Variants in ADK observed in about 807,000 individuals in gnomAD.
The protein encoded by ADK is N6,N6-dimethyladenosine kinase.
Under a neutral mutation model 44.7 loss-of-function variants are expected in ADK, and 24 were observed. The observed-to-expected ratio is 0.54, with a 90% CI of 0.39 to 0.76. ADK has a LOEUF of 0.76. ADK is among the 30% of genes least tolerant of loss of function. The pLI is 0.00. For missense variants in ADK, 321 were observed against 425.1 expected, an observed-to-expected ratio of 0.76 and a Z score of 2.15; for synonymous variants, 128 against 142.6, an observed-to-expected ratio of 0.90 and a Z score of 0.73.
intron 9 of ADK, among the ~76,000 whole-genome samples, chr10:74,652,624 G>A (rs1854314724): frequency 6.6e-6 from 1 of 151,780 alleles, no homozygotes. Flanking sequence ...GCCGGCTGTA[G>A]TGGTGGGCGC....
At chr10:74,404,045 T>C (rs528020703) in intron 6 of ADK, among the ~76,000 whole-genome samples, 1 of 152,266 alleles carries the variant, frequency 6.6e-6, no homozygotes, top group African/African-American at 2.4e-5. Flanking sequence ...GCTAATTTTT[T>C]GTATTTTTAG....
At chr10:74,628,868 G>A (rs564991788) in intron 9 of ADK, among the ~76,000 whole-genome samples, 1 of 152,250 alleles carries the variant, frequency 6.6e-6, no homozygotes, top group African/African-American at 2.4e-5. Flanking sequence ...AGAAGGCAGA[G>A]ACTAGGAGGG....
At chr10:74,224,379 A>G (rs1244240252) in intron 2 of ADK, among the ~76,000 whole-genome samples, 159 bp from the exon 3 acceptor site, 1 of 152,178 alleles carries the variant, frequency 6.6e-6, no homozygotes, top group Non-Finnish European at 1.5e-5. Context: ...GAAATGACTA[A>G]TAGAACAGCA....
At chr10:74,152,962 C>T (rs1315477521) in intron 1 of ADK, among the ~76,000 whole-genome samples, 2 of 152,144 alleles carry the variant, frequency 1.3e-5, no homozygotes, top group Non-Finnish European at 2.9e-5. Flanking sequence ...TGTGGGGAGA[C>T]ATTTTAGGAT....
chr10:74,698,025 T>C (rs554671847), intron 10 of ADK, among the ~76,000 whole-genome samples: 1 of 152,354 alleles, frequency 6.6e-6, no homozygotes, highest in South Asian at 2.1e-4. Context: ...ACACCAATTG[T>C]TAATGAACAG....
chr10:74,531,737 G>T (rs1849298261), intron 7 of ADK, among the ~76,000 whole-genome samples: 1 of 152,010 alleles, frequency 6.6e-6, no homozygotes. Flanking sequence ...TCGTTTTGTT[G>T]CCCAGGCTGG....
chr10:74,438,526 G>A lies in ADK; in HGVS notation c.555+39947G>A, dbSNP rs376728643. 9.7e-4 allele frequency among the ~76,000 whole-genome samples: 147 copies of A among 152,100 alleles called. 2 individuals are homozygous for A. The South Asian group carries it at 0.03, about 31-fold the overall frequency. On this transcript the variant is annotated intron_variant, in intron 6 of 10. Coordinates refer to ENST00000539909, the MANE Select transcript of ADK (RefSeq NM_006721.4). ...ATTACAGGCATGAGCCACTGCCCCC[G>A]GCCTTGCCTCTCTTAATAACCATAT...
At position 74,637,961 on chromosome 10, in the gene ADK, A is replaced by G. The variant is rs1408156744; in HGVS notation, c.878-32222A>G. On this transcript the variant is annotated intron_variant, in intron 9 of 10. Transcript: ENST00000539909. ...TAAATAGTGCAGTTTATTGTATGTC[A>G]ATCATGCTTCGATAAAGATGTTAGC... Among the ~76,000 whole-genome samples the G allele has an allele frequency of 2.0e-5, 3 of 152,336 alleles. No homozygotes were observed. The East Asian group carries it at 5.8e-4, about 29-fold the overall frequency.
At chr10:74,476,088 G>A (rs1379582503) in intron 6 of ADK, among the ~76,000 whole-genome samples, 8 of 152,142 alleles carry the variant, frequency 5.3e-5, no homozygotes, top group Non-Finnish European at 1.0e-4. Context: ...GTTCATGCTA[G>A]CATTTCCCTT....
chr10:74,674,876 T>A (rs905262333), intron 10 of ADK, among the ~76,000 whole-genome samples: 28 of 133,908 alleles, frequency 2.1e-4, no homozygotes, highest in African/African-American at 7.4e-4. Context: ...AGTGAGACCC[T>A]GTCTCAAAAA....
chr10:74,201,646 ATGTATG>A (rs1225296362), intron 2 of ADK, among the ~76,000 whole-genome samples: 8 of 106,338 alleles, frequency 7.5e-5, no homozygotes, highest in African/African-American at 3.6e-4. Flanking sequence ...GTGTGTGTAT[ATGTATG>A]TATGTATGTA....
intron 6 of ADK, among the ~76,000 whole-genome samples, chr10:74,432,725 A>T (rs985841672): frequency 6.6e-6 from 1 of 152,180 alleles, no homozygotes; most frequent in Non-Finnish European, 1.5e-5. Context: ...TAAGTTACTC[A>T]AATTGTTATA....
At chr10:74,523,793 A>T (rs1848930898) in intron 6 of ADK, among the ~76,000 whole-genome samples, 3 of 152,320 alleles carry the variant, frequency 2.0e-5, no homozygotes, top group South Asian at 2.1e-4. Flanking sequence ...CACATCTTAA[A>T]CAATTGCCAA....
rs372913261 is a variant in ADK, at chr10:74,177,353, G to A, written c.66-23411G>A. Among the ~76,000 whole-genome samples the A allele has an allele frequency of 4.6e-5, 7 of 152,256 alleles. No individual in the cohort carries two copies. The South Asian group carries it at 1.5e-3, about 32-fold the overall frequency. ...TATATTGCCCTCAAGTTGTGAAATTGTGTGTCTCTAAAATGTTTGCTCATG... is the reference window on the plus strand; with the variant it reads ...TATATTGCCCTCAAGTTGTGAAATTATGTGTCTCTAAAATGTTTGCTCATG... On this transcript the variant is annotated intron_variant, in intron 1 of 10. Coordinates refer to ENST00000539909, the MANE Select transcript of ADK (RefSeq NM_006721.4).
intron 3 of ADK, among the ~76,000 whole-genome samples, chr10:74,299,499 C>CA (rs57161550): frequency 0.66 from 81,709 of 123,786 alleles, 27,129 homozygotes; most frequent in Middle Eastern, 0.82. Context: ...GACTCTGTCT[C>CA]AAAAAAAAAA....
At chr10:74,645,885 T>C (rs1202212875) in intron 9 of ADK, among the ~76,000 whole-genome samples, 2 of 152,262 alleles carry the variant, frequency 1.3e-5, no homozygotes, top group African/African-American at 4.8e-5. Context: ...ATCATATCAA[T>C]TGAGTCAGTT....
At chr10:74,561,935 C>T (rs984283329) in intron 7 of ADK, among the ~76,000 whole-genome samples, 13 of 152,194 alleles carry the variant, frequency 8.5e-5, no homozygotes, top group Admixed American at 2.6e-4. Flanking sequence ...ACTAATATGA[C>T]GGTCTAGAGT....
In ADK at chr10:74,696,128, C is replaced by A. The variant is rs960807381; in HGVS notation, c.965-12193C>A. Among the ~76,000 whole-genome samples, 4 of 152,172 alleles carry A rather than the reference C, an allele frequency of 2.6e-5. No homozygotes were observed. The South Asian group carries it at 8.3e-4, about 32-fold the overall frequency. ...CTCCACCTCCCGGATTCAAGCAATT[C>A]TCATCCCTTAGCCAACCGAATAGCT... On this transcript the variant is annotated intron_variant, in intron 10 of 10. Transcript: ENST00000539909.
At chr10:74,405,600 T>C (rs1843892149) in intron 6 of ADK, among the ~76,000 whole-genome samples, 1 of 152,120 alleles carries the variant, frequency 6.6e-6, no homozygotes, top group Admixed American at 6.6e-5. Context: ...GTGCAAATCC[T>C]ATTTTGAACT....
Sources: allele counts gnomAD v4.1 joint callset (sites outside exome capture counted in the v4.1 genomes callset), GRCh38; gene constraint gnomAD v4.1.1; transcripts MANE v1.5; gene names NCBI Gene and HGNC (gene_info 2026-07-23, HGNC 2026-07-21).